MAP2K5: variants seen among roughly 807,000 people sequenced by gnomAD.
MAP2K5 encodes the protein dual specificity mitogen-activated protein kinase kinase 5.
In MAP2K5, 49 loss-of-function variants were observed where a neutral mutation model predicts 83.1. The observed-to-expected ratio is 0.59, with a 90% CI of 0.47 to 0.75. The LOEUF is 0.75. Among genes scored for constraint, MAP2K5 ranks in the 30% least tolerant of loss-of-function variants. The probability of loss-of-function intolerance (pLI) is 0.00; values close to 1 mark genes in which losing one functional copy is unlikely to be tolerated. For synonymous variants in MAP2K5, 202 were observed against 191.8 expected (o/e 1.05, Z -0.44); for missense variants, 457 against 557.5 (o/e 0.82, Z 1.82).
intron 13 of MAP2K5, among the ~76,000 whole-genome samples, chr15:67,669,800 A>AC (rs2087482832): frequency 6.6e-6 from 1 of 151,578 alleles, no homozygotes; most frequent in Non-Finnish European, 1.5e-5. Flanking sequence ...AACAACAAAA[A>AC]ACCTGATAAT....
At chr15:67,686,165 T>G (rs1430179609) in intron 13 of MAP2K5, among the ~76,000 whole-genome samples, 2 of 152,124 alleles carry the variant, frequency 1.3e-5, no homozygotes, top group Admixed American at 6.5e-5. Context: ...TTACGTTAAG[T>G]GTGAATGGTC....
intron 3 of MAP2K5, among the ~76,000 whole-genome samples, chr15:67,566,460 G>A (rs566682009): frequency 6.6e-6 from 1 of 152,304 alleles, no homozygotes; most frequent in East Asian, 1.9e-4. Flanking sequence ...ACAGGCATGA[G>A]CCACCATACC....
intron 3 of MAP2K5, among the ~76,000 whole-genome samples, chr15:67,568,125 C>G (rs1281436957): frequency 6.6e-6 from 1 of 152,166 alleles, no homozygotes. Flanking sequence ...TCTATTCTCA[C>G]TCTTTATATC....
intron 13 of MAP2K5, among the ~76,000 whole-genome samples, chr15:67,673,210 A>G (rs1214540402): frequency 6.6e-6 from 1 of 151,470 alleles, no homozygotes; most frequent in Admixed American, 6.6e-5. Flanking sequence ...TTTTTTTTTT[A>G]ATCTTTTTGT....
intron 21 of MAP2K5, among the ~76,000 whole-genome samples, chr15:67,797,115 C>A (rs956730210): frequency 2.6e-5 from 4 of 152,218 alleles, no homozygotes; most frequent in African/African-American, 9.7e-5. Flanking sequence ...GTCCTTACCG[C>A]AGCCCCTTTT....
Position 67,748,456 on chromosome 15 carries a change from G to A in MAP2K5, c.1102-113G>A. The A allele has an allele frequency of 1.1e-6, 1 of 948,782 alleles. No homozygotes were observed. The allele number at this position is 948,782 out of a possible 1,614,324, so 58.8% of individuals were successfully genotyped here. A position where few individuals can be genotyped will look rare whatever the true frequency, so the allele number is the denominator to read the frequency against. On this transcript the variant is annotated intron_variant, in intron 18 of 21. Coordinates refer to ENST00000178640, the MANE Select transcript of MAP2K5 (RefSeq NM_145160.3). The surrounding 1 kb of genome is among the most constrained non-coding windows in gnomAD (Gnocchi z 4.0). ...ATCAATGTTTTTATAAGAGTTTGCT[G>A]TTGTTGATTAATCTTGCTATATTTT... is the stretch of plus-strand genomic sequence containing the variant.
rs1415020754 is a variant in MAP2K5 at position 67,750,232 on chromosome 15, T to C, written c.1134+1631T>C. 6.6e-6 allele frequency among the ~76,000 whole-genome samples: 1 copy of C among 152,210 alleles called. No homozygotes were observed. Among genetic ancestry groups the C allele is most frequent in the Non-Finnish European group, 1.5e-5 (1 of 68,036 alleles). On this transcript the variant is annotated intron_variant, in intron 19 of 21. Transcript: ENST00000178640. This position sits in a 1 kb window ranked among gnomAD's most constrained non-coding sequence, Gnocchi z 4.2. ...TATTTTTCTTCATAGCATTTCTTTC[T>C]TAGTCAAGAGAAAAATGTAACTTAG... is the stretch of plus-strand genomic sequence containing the variant.
intron 13 of MAP2K5, among the ~76,000 whole-genome samples, chr15:67,680,783 G>C (rs2087797422): frequency 1.3e-5 from 2 of 152,202 alleles, no homozygotes; most frequent in Admixed American, 1.3e-4. Context: ...AGCTTACTGT[G>C]AAATCTCACT....
intron 9 of MAP2K5, chr15:67,642,332 TGG>T: frequency 9.9e-7 from 1 of 1,006,388 alleles, no homozygotes. Context: ...TGTGGAGTGC[TGG>T]GGGGGATAGA....
intron 21 of MAP2K5, 102 bp downstream of exon 21, chr15:67,772,854 T>A: frequency 1.2e-6 from 1 of 813,652 alleles, no homozygotes; most frequent in Non-Finnish European, 1.9e-6. Flanking sequence ...CCATAGGCTC[T>A]GAAAAGGCAA....
At chr15:67,791,311 A>T (rs914068529) in intron 21 of MAP2K5, among the ~76,000 whole-genome samples, 19 of 152,184 alleles carry the variant, frequency 1.2e-4, no homozygotes, top group Admixed American at 1.2e-3. Flanking sequence ...CACCTGTTTC[A>T]TATTTTCTCT....
chr15:67,628,841 C>T, intron 8 of MAP2K5: 1 of 748,336 alleles, frequency 1.3e-6, no homozygotes, highest in Non-Finnish European at 2.5e-6. Context: ...CTTCAGTGGT[C>T]ATGGTGGCTT....
intron 2 of MAP2K5, among the ~76,000 whole-genome samples, chr15:67,554,145 T>C (rs946087045): frequency 2.6e-5 from 4 of 152,102 alleles, no homozygotes; most frequent in African/African-American, 9.7e-5. Flanking sequence ...CTGCAACCTC[T>C]GCCTCCCAGA....
chr15:67,616,973 A>G (rs1401368288), intron 8 of MAP2K5, among the ~76,000 whole-genome samples: 1 of 152,204 alleles, frequency 6.6e-6, no homozygotes, highest in East Asian at 1.9e-4. Flanking sequence ...AGTCAGTAGC[A>G]TTTAGTTCAT....
chr15:67,561,360 T>C lies in MAP2K5; in HGVS notation c.185-1923T>C, dbSNP rs2084733064. Among the ~76,000 whole-genome samples the C allele has an allele frequency of 6.6e-6, 1 of 152,240 alleles. No individual in the cohort carries two copies. Among genetic ancestry groups the C allele is most frequent in the African/African-American group, 2.4e-5 (1 of 41,476 alleles). On this transcript the variant is annotated intron_variant, in intron 2 of 21. Transcript: ENST00000178640. The surrounding 1 kb of genome is among the most constrained non-coding windows in gnomAD (Gnocchi z 4.2). ...TATAGACAGACTCCTTTCTTCTCTC[T>C]CTACAGCTGGAATGGCATTTCTCCC...
At chr15:67,732,417 G>A (rs2089241502) in intron 17 of MAP2K5, among the ~76,000 whole-genome samples, 2 of 152,206 alleles carry the variant, frequency 1.3e-5, no homozygotes, top group African/African-American at 2.4e-5. Flanking sequence ...AATTTGGCAA[G>A]CAAGATGCCA....
intron 2 of MAP2K5, 38 bp downstream of exon 2, chr15:67,550,120 C>G: frequency 6.3e-7 from 1 of 1,576,560 alleles, no homozygotes; most frequent in Non-Finnish European, 8.7e-7. Flanking sequence ...CTATTCCTTT[C>G]TGCAGTCATT....
At chr15:67,800,270 T>C (rs371287123) in intron 21 of MAP2K5, among the ~76,000 whole-genome samples, 1 of 152,212 alleles carries the variant, frequency 6.6e-6, no homozygotes, top group South Asian at 2.1e-4. Context: ...TGTTTTATTA[T>C]GTAAAATTAA....
chr15:67,666,572 C>G (rs907523545), intron 13 of MAP2K5, among the ~76,000 whole-genome samples: 1 of 152,162 alleles, frequency 6.6e-6, no homozygotes. Context: ...CCAGTAGGTC[C>G]TTCTTTTCAT....
Sources: allele counts gnomAD v4.1 joint callset (sites outside exome capture counted in the v4.1 genomes callset), GRCh38; gene constraint gnomAD v4.1.1; non-coding constraint Gnocchi (gnomAD v3.1); transcripts MANE v1.5; gene names NCBI Gene and HGNC (gene_info 2026-07-23, HGNC 2026-07-21).